Variants in CCDC3 observed in about 807,000 individuals in gnomAD.
CCDC3 encodes the protein coiled-coil domain-containing protein 3.
In CCDC3, 24 loss-of-function variants were observed where a neutral mutation model predicts 21.4. The ratio of observed to expected loss-of-function variants is 1.12; its 90% confidence interval spans 0.81 to 1.58. The LOEUF is 1.58. Among genes scored for constraint, CCDC3 ranks in the 40% most tolerant of loss-of-function variants. The pLI is 0.00. For missense variants in CCDC3, 425 were observed against 360.9 expected, an observed-to-expected ratio of 1.18 and a Z score of -1.44; for synonymous variants, 186 against 166.0, an observed-to-expected ratio of 1.12 and a Z score of -0.93.
intron 4 of CCDC3, among the ~76,000 whole-genome samples, chr10:13,052,868 G>T (rs959140147): frequency 2.6e-5 from 4 of 151,552 alleles, no homozygotes; most frequent in Non-Finnish European, 2.9e-5. Flanking sequence ...CTTGAACCCA[G>T]GAAGCAGAGG....
chr10:12,941,300 T>A (rs755128816), intron 2 of CCDC3, among the ~76,000 whole-genome samples: 7 of 152,180 alleles, frequency 4.6e-5, no homozygotes, highest in Non-Finnish European at 1.0e-4. Flanking sequence ...CACCCCTTGT[T>A]TAGCATATTA....
At chr10:13,016,682 C>A (rs1008244110) in intron 5 of CCDC3, among the ~76,000 whole-genome samples, 2 of 151,994 alleles carry the variant, frequency 1.3e-5, no homozygotes, top group Non-Finnish European at 2.9e-5. Context: ...TGCCTGTGGT[C>A]CCCTGGCTCT....
chr10:12,902,662 A>C (rs1317843860), intron 2 of CCDC3, among the ~76,000 whole-genome samples: 2 of 152,194 alleles, frequency 1.3e-5, no homozygotes, highest in African/African-American at 4.8e-5. Flanking sequence ...CGGTGTTCAG[A>C]AGCTGCGTTT....
intron 2 of CCDC3, among the ~76,000 whole-genome samples, chr10:12,994,384 C>A (rs1251120): frequency 0.26 from 39,121 of 148,696 alleles, 5,401 homozygotes; most frequent in East Asian, 0.35. Context: ...GGCAACAGAG[C>A]AAGACTCCGT....
intron 2 of CCDC3, among the ~76,000 whole-genome samples, chr10:12,967,402 C>CA (rs1202669343): frequency 6.6e-6 from 1 of 151,452 alleles, no homozygotes; most frequent in Admixed American, 6.6e-5. Context: ...CAATGAACCT[C>CA]AAAAAATCAG....
chr10:12,916,154 C>T (rs1022224516), intron 2 of CCDC3, among the ~76,000 whole-genome samples: 3 of 152,182 alleles, frequency 2.0e-5, no homozygotes, highest in Non-Finnish European at 4.4e-5. Flanking sequence ...CCAACCTGGG[C>T]CAGGCGCAGT....
intron 2 of CCDC3, among the ~76,000 whole-genome samples, chr10:12,946,853 C>T (rs1222368686): frequency 6.6e-6 from 1 of 152,170 alleles, no homozygotes; most frequent in South Asian, 2.1e-4. Context: ...GTAATCATCT[C>T]ATCCTGTACT....
At chr10:13,056,555 T>G (rs1836683615) in intron 4 of CCDC3, among the ~76,000 whole-genome samples, 1 of 152,170 alleles carries the variant, frequency 6.6e-6, no homozygotes, top group African/African-American at 2.4e-5. Flanking sequence ...GGCGAGTGCC[T>G]CAAGAAAATT....
chr10:13,075,596 C>A (rs900555476), intron 3 of CCDC3, among the ~76,000 whole-genome samples: 1 of 151,944 alleles, frequency 6.6e-6, no homozygotes, highest in African/African-American at 2.4e-5. Context: ...AGGAAAAAAC[C>A]CTTGTGGGGA....
At chr10:13,072,656 A>C (rs1286732160) in intron 4 of CCDC3, among the ~76,000 whole-genome samples, 1 of 147,824 alleles carries the variant, frequency 6.8e-6, no homozygotes, top group Non-Finnish European at 1.5e-5. Flanking sequence ...ATAGGACTCC[A>C]TCTCACTTTG....
At chr10:12,983,875 C>T (rs1313084) in intron 2 of CCDC3, among the ~76,000 whole-genome samples, 151,052 of 152,206 alleles carry the variant, frequency 0.99, 74,968 homozygotes, top group Middle Eastern at 1. Flanking sequence ...AGGTCAGGAG[C>T]TGGAGACCAG....
intron 3 of CCDC3, among the ~76,000 whole-genome samples, chr10:13,081,759 G>T (rs760939372): frequency 4.6e-5 from 7 of 152,158 alleles, no homozygotes; most frequent in Non-Finnish European, 8.8e-5. Flanking sequence ...TTGAGACAAG[G>T]TATCAGGATG....
chr10:13,011,713 A>T (rs1835986181), intron 5 of CCDC3, among the ~76,000 whole-genome samples: 1 of 152,330 alleles, frequency 6.6e-6, no homozygotes, highest in South Asian at 2.1e-4. Context: ...CAAAATGTAT[A>T]TGGAACCAAA....
intron 2 of CCDC3, among the ~76,000 whole-genome samples, chr10:12,949,883 T>G (rs1834982573): frequency 6.6e-6 from 1 of 152,198 alleles, no homozygotes; most frequent in African/African-American, 2.4e-5. Context: ...TGAGGTCATC[T>G]CATCTAATGT....
At chr10:13,072,639 C>T (rs897010232) in intron 4 of CCDC3, among the ~76,000 whole-genome samples, 9 of 151,342 alleles carry the variant, frequency 5.9e-5, no homozygotes, top group Admixed American at 6.6e-5. Flanking sequence ...AGGTGGGAGG[C>T]CTGTTAATAG....
chr10:12,964,940 G>GAC (rs1344935153), intron 2 of CCDC3, among the ~76,000 whole-genome samples: 31 of 152,210 alleles, frequency 2.0e-4, no homozygotes, highest in Admixed American at 2.0e-3. Flanking sequence ...AGTACATGCA[G>GAC]ACAGTGGCTT....
At chr10:13,036,956 T>C (rs991729007) in intron 5 of CCDC3, among the ~76,000 whole-genome samples, 1 of 151,906 alleles carries the variant, frequency 6.6e-6, no homozygotes, top group Non-Finnish European at 1.5e-5. Context: ...ATTTTCTTTG[T>C]TTATTTTTTG....
intron 2 of CCDC3, among the ~76,000 whole-genome samples, chr10:12,989,539 A>T (rs140923030): frequency 2.4e-3 from 365 of 152,298 alleles, no homozygotes; most frequent in African/African-American, 8.3e-3. Flanking sequence ...CTCATGCCTC[A>T]GCCTCCTGAG....
intron 3 of CCDC3, among the ~76,000 whole-genome samples, chr10:13,086,784 A>G (rs1588421131): frequency 2.6e-5 from 4 of 152,258 alleles, no homozygotes; most frequent in African/African-American, 9.6e-5. Flanking sequence ...AGGGAATTCA[A>G]TCCTAGTTTT....
Sources: gnomAD v4.1 joint callset for allele counts (sites outside exome capture counted in the v4.1 genomes callset) on GRCh38, gnomAD v4.1.1 for gene constraint, MANE v1.5 for transcripts, NCBI Gene and HGNC (gene_info 2026-07-23, HGNC 2026-07-21) for gene names.